ST6GALNAC5: variants seen among roughly 807,000 people sequenced by gnomAD.
ST6GALNAC5 encodes alpha-N-acetylgalactosaminide alpha-2,6-sialyltransferase 5.
Under a neutral mutation model 33.6 loss-of-function variants are expected in ST6GALNAC5, and 27 were observed. The ratio of observed to expected loss-of-function variants is 0.80; its 90% CI spans 0.59 to 1.11. The LOEUF (loss-of-function observed/expected upper bound fraction) is 1.11, where lower values mean the gene tolerates loss of function less well. ST6GALNAC5 is among the 50% of genes least tolerant of loss of function. ST6GALNAC5 has a pLI of 0.00. For synonymous variants in ST6GALNAC5, 194 were observed against 171.2 expected (o/e 1.13, Z -1.04); for missense variants, 428 against 454.0 (o/e 0.94, Z 0.52).
intron 2 of ST6GALNAC5, among the ~76,000 whole-genome samples, chr1:76,887,048 CT>C (rs1222235495): frequency 6.6e-6 from 1 of 152,118 alleles, no homozygotes; most frequent in East Asian, 1.9e-4. Context: ...GTAACCCCCT[CT>C]TTTTTCTTCC....
intron 2 of ST6GALNAC5, among the ~76,000 whole-genome samples, chr1:76,936,923 A>T (rs1219529669): frequency 6.9e-6 from 1 of 145,692 alleles, no homozygotes; most frequent in Non-Finnish European, 1.5e-5. Context: ...TGAAAAGACA[A>T]TTCAAGTCAG....
intron 2 of ST6GALNAC5, among the ~76,000 whole-genome samples, chr1:77,018,335 T>C (rs957611553): frequency 2.0e-5 from 3 of 152,194 alleles, no homozygotes; most frequent in African/African-American, 4.8e-5. Flanking sequence ...CTCAGAATCC[T>C]AGCAGCACAG....
At chr1:76,988,583 G>A (rs1649601063) in intron 2 of ST6GALNAC5, among the ~76,000 whole-genome samples, 1 of 151,818 alleles carries the variant, frequency 6.6e-6, no homozygotes, top group African/African-American at 2.4e-5. Flanking sequence ...TTCTTTTCTG[G>A]TGTTTGCTTT....
chr1:76,915,926 T>C (rs1170931104), intron 2 of ST6GALNAC5, among the ~76,000 whole-genome samples: 1 of 151,158 alleles, frequency 6.6e-6, no homozygotes, highest in Non-Finnish European at 1.5e-5. Flanking sequence ...ATAATAATAA[T>C]TTTTTTCTAT....
chr1:77,055,250 T>C lies in ST6GALNAC5; in HGVS notation c.779+4885T>C, dbSNP rs970786367. Among the ~76,000 whole-genome samples the C allele has an allele frequency of 5.3e-5, 8 of 152,124 alleles. No individual in the cohort carries two copies. The South Asian group carries it at 8.3e-4, about 16-fold the overall frequency. On this transcript the variant is annotated intron_variant, in intron 4 of 4. Coordinates refer to ENST00000477717, the MANE Select transcript of ST6GALNAC5 (RefSeq NM_030965.3). Reference sequence around the variant, plus strand: ...CATCTTCTCTACTGATGCATTTATGTGTTTATTTGTTTATTCAACCTTACT... The same window carrying C: ...CATCTTCTCTACTGATGCATTTATGCGTTTATTTGTTTATTCAACCTTACT...
At chr1:76,983,715 T>C (rs1649359168) in intron 2 of ST6GALNAC5, among the ~76,000 whole-genome samples, 1 of 152,198 alleles carries the variant, frequency 6.6e-6, no homozygotes, top group Admixed American at 6.5e-5. Context: ...TACATTCTTC[T>C]CAGCACCACG....
At chr1:76,994,463 G>C (rs1370632467) in intron 2 of ST6GALNAC5, among the ~76,000 whole-genome samples, 1 of 152,130 alleles carries the variant, frequency 6.6e-6, no homozygotes, top group Non-Finnish European at 1.5e-5. Flanking sequence ...ATTAACCAAA[G>C]TTTCTCAGGA....
chr1:77,044,924 CT>C (rs1161718768), intron 3 of ST6GALNAC5, among the ~76,000 whole-genome samples: 2 of 152,136 alleles, frequency 1.3e-5, no homozygotes, highest in Non-Finnish European at 2.9e-5. Flanking sequence ...TTTCATTTTA[CT>C]TGCATAAACC....
At chr1:77,033,134 C>T (rs1193827160) in intron 2 of ST6GALNAC5, among the ~76,000 whole-genome samples, 3 of 152,148 alleles carry the variant, frequency 2.0e-5, no homozygotes, top group Non-Finnish European at 1.5e-5. Flanking sequence ...TGAGCCAGTG[C>T]GTAACATCAA....
chr1:77,038,943 A>G (rs914900168), intron 2 of ST6GALNAC5, among the ~76,000 whole-genome samples: 10 of 152,220 alleles, frequency 6.6e-5, no homozygotes, highest in Non-Finnish European at 1.2e-4. Flanking sequence ...CACACATTCT[A>G]AAATATTCAT....
At chr1:77,036,970 G>C (rs935105853) in intron 2 of ST6GALNAC5, among the ~76,000 whole-genome samples, 1 of 152,184 alleles carries the variant, frequency 6.6e-6, no homozygotes, top group African/African-American at 2.4e-5. Context: ...GCCTCCCTGG[G>C]GAGGCGGTCT....
intron 2 of ST6GALNAC5, among the ~76,000 whole-genome samples, chr1:76,911,086 C>T (rs1646906897): frequency 6.6e-6 from 1 of 152,044 alleles, no homozygotes; most frequent in South Asian, 2.1e-4. Context: ...GCTGATACTG[C>T]TAAGATTTTA....
intron 2 of ST6GALNAC5, among the ~76,000 whole-genome samples, chr1:76,949,588 G>A (rs1324400062): frequency 3.3e-5 from 5 of 152,034 alleles, no homozygotes; most frequent in African/African-American, 4.8e-5. Flanking sequence ...GGCTCTTTCA[G>A]CTGTGACACC....
chr1:77,051,312 C>T (rs937714021), intron 4 of ST6GALNAC5, among the ~76,000 whole-genome samples: 3 of 152,044 alleles, frequency 2.0e-5, no homozygotes, highest in African/African-American at 7.2e-5. Flanking sequence ...TCTTTTTAAC[C>T]CAAAGATCCA....
chr1:76,868,550 G>T lies in ST6GALNAC5; in HGVS notation c.69G>T (p.Leu23Phe), dbSNP rs534210808. The change falls in exon 2 of 5, where the codon TTG becomes TTT. Residue 23 changes from leucine (L) to phenylalanine (F), a missense_variant. Coordinates refer to ENST00000477717, the MANE Select transcript of ST6GALNAC5 (RefSeq NM_030965.3). The surrounding 1 kb of genome is among the most constrained non-coding windows in gnomAD (Gnocchi z 4.3). ...TCACCACCATGTGCACCAGCTTGTTGCTAGTGTACAGCAGCCTCGGCGGCC... is the reference window on the plus strand; with the variant it reads ...TCACCACCATGTGCACCAGCTTGTTTCTAGTGTACAGCAGCCTCGGCGGCC... Reference protein sequence around the residue: ...LALTTMCTSLLLVYSSLGGQK... With the variant: ...LALTTMCTSLFLVYSSLGGQK... 1.9e-6 allele frequency: 3 copies of T among 1,613,430 alleles called. No homozygotes were observed. Among genetic ancestry groups the T allele is most frequent in the African/African-American group, 2.7e-5 (2 of 74,994 alleles).
chr1:76,951,364 T>C (rs1183050915), intron 2 of ST6GALNAC5, among the ~76,000 whole-genome samples: 1 of 152,124 alleles, frequency 6.6e-6, no homozygotes, highest in Non-Finnish European at 1.5e-5. Context: ...AAAATGTGTG[T>C]GTGTCAAGGA....
At chr1:77,001,297 T>C (rs1419608783) in intron 2 of ST6GALNAC5, among the ~76,000 whole-genome samples, 284 of 101,066 alleles carry the variant, frequency 2.8e-3, no homozygotes, top group African/African-American at 3.2e-3. Context: ...TCTGTTTGTC[T>C]GTTGTTGGTG....
At chr1:77,045,019 C>T (rs1651962517) in intron 3 of ST6GALNAC5, among the ~76,000 whole-genome samples, 1 of 152,146 alleles carries the variant, frequency 6.6e-6, no homozygotes, top group African/African-American at 2.4e-5. Flanking sequence ...TCTTGAGTGC[C>T]CACTACTTGC....
At chr1:77,052,088 A>G (rs1459588450) in intron 4 of ST6GALNAC5, among the ~76,000 whole-genome samples, 3 of 152,230 alleles carry the variant, frequency 2.0e-5, no homozygotes, top group East Asian at 3.8e-4. Flanking sequence ...TGCATTACAT[A>G]TTGCCACTGG....
Sources: gnomAD v4.1 joint callset for allele counts (sites outside exome capture counted in the v4.1 genomes callset) on GRCh38, gnomAD v4.1.1 for gene constraint, Gnocchi (gnomAD v3.1) non-coding constraint, MANE v1.5 for transcripts, NCBI Gene and HGNC (gene_info 2026-07-23, HGNC 2026-07-21) for gene names.